Variants in UBXN6 observed in about 807,000 individuals in gnomAD.
UBXN6 encodes UBX domain protein 6.
Under a neutral mutation model 51.4 loss-of-function variants are expected in UBXN6, and 44 were observed. The observed-to-expected ratio is 0.86, with a 90% CI of 0.67 to 1.10. The LOEUF (loss-of-function observed/expected upper bound fraction) is 1.10, where lower values mean the gene tolerates loss of function less well. Ranked by LOEUF, UBXN6 falls within the 50% of genes least tolerant of loss-of-function variation. The pLI is 0.00. For synonymous variants in UBXN6, 316 were observed against 263.2 expected (o/e 1.20, Z -1.94); for missense variants, 672 against 596.1 (o/e 1.13, Z -1.32).
chr19:4,453,459 A>G lies in UBXN6; in HGVS notation c.311T>C (p.Val104Ala). Residue 104 changes from valine (V) to alanine (A), a missense_variant and splice_region_variant, in exon 3 of 11, where the codon GTG becomes GCG. Val to Ala is a moderately conservative substitution (Grantham distance 64). Coordinates refer to ENST00000301281, the MANE Select transcript of UBXN6 (RefSeq NM_025241.3). ...SGSPEAPGTN[V>A]VSEPREEGSA... Reference sequence around the variant, plus strand: ...AGTGCCACCAGTGGCTGTTCTTACCACGTTGGTCCCTGGGGCCTCGGGGCT... The same window carrying G: ...AGTGCCACCAGTGGCTGTTCTTACCGCGTTGGTCCCTGGGGCCTCGGGGCT... The G allele has an allele frequency of 1.9e-6, 3 of 1,613,158 alleles. No individual in the cohort carries two copies. The highest frequency in any genetic ancestry group is 2.5e-6 in the Non-Finnish European group (3 of 1,179,728).
chr19:4,447,562 G>C lies in UBXN6; in HGVS notation c.603C>G (p.Asn201Lys), dbSNP rs1175429394. 1 of 1,613,632 alleles carries C rather than the reference G, an allele frequency of 6.2e-7. No homozygotes were observed. Among genetic ancestry groups the C allele is most frequent in the Non-Finnish European group, 8.5e-7 (1 of 1,179,882 alleles). The change falls in exon 6 of 11, where the codon AAC (asparagine) becomes AAG (lysine). Residue 201 changes from asparagine to lysine, a missense_variant. Asn to Lys is a moderately conservative substitution (Grantham distance 94). Coordinates refer to ENST00000301281, the MANE Select transcript of UBXN6 (RefSeq NM_025241.3). ...AAGGCACGCCCACCTGAAACACCTTGTTCTGCAGCTTGATCTTCCGGTACT... is the reference window on the plus strand; with the variant it reads ...AAGGCACGCCCACCTGAAACACCTTCTTCTGCAGCTTGATCTTCCGGTACT... ...EEKYRKIKLQ[N>K]KVFQERINCL...
At chr19:4,453,621 C>T (rs546921503) in intron 2 of UBXN6, 99 bp from the exon 3 acceptor site, 45 of 1,395,104 alleles carry the variant, frequency 3.2e-5, no homozygotes, top group East Asian at 4.9e-5. Context: ...CTGGGGGCCA[C>T]GCACACCGCC....
At position 4,448,335 on chromosome 19, in the gene UBXN6, AC is replaced by A; in HGVS notation, c.521del (p.Gly174ValfsTer69). 1 of 1,608,398 alleles carries A rather than the reference AC, an allele frequency of 6.2e-7. No individual in the cohort carries two copies. Among genetic ancestry groups the A allele is most frequent in the African/African-American group, 1.3e-5 (1 of 74,892 alleles). ...ACGCTCACTTGGCAATGGTGTCCAC[AC>A]CCAGCTTCACCCGGTCCTGGTCTTT... is the stretch of plus-strand genomic sequence containing the variant. ...FNKDQDRVKLGVDTIAKYLDN... is the reference protein window; with the variant it reads ...FNKDQDRVKLXVDTIAKYLDN... On this transcript the variant is annotated frameshift_variant, in exon 5 of 11. Coordinates refer to ENST00000301281, the MANE Select transcript of UBXN6 (RefSeq NM_025241.3). LOFTEE classifies it high-confidence loss of function.
At chr19:4,453,592 C>A in intron 2 of UBXN6, 70 bp from the exon 3 acceptor site, 1 of 1,569,602 alleles carries the variant, frequency 6.4e-7, no homozygotes, top group East Asian at 2.3e-5. Flanking sequence ...GCCCAAGCCC[C>A]CTCATTCCCG....
Position 4,446,875 on chromosome 19 carries a change from T to C in UBXN6, c.661A>G (p.Ile221Val). 1 of 1,614,036 alleles carries C rather than the reference T, an allele frequency of 6.2e-7. No homozygotes were observed. Among genetic ancestry groups the C allele is most frequent in the Non-Finnish European group, 8.5e-7 (1 of 1,180,014 alleles). ...GGAAGCAACACCTTCTGGAACCCAATGGCCTCAAAAAACTCGTGGGTCCCT... is the reference window on the plus strand; with the variant it reads ...GGAAGCAACACCTTCTGGAACCCAACGGCCTCAAAAAACTCGTGGGTCCCT... ...LEGTHEFFEA[I>V]GFQKVLLPAQ... Residue 221 changes from isoleucine to valine, a missense_variant, in exon 7 of 11, where the codon ATT (isoleucine) becomes GTT (valine). Physicochemically the swap from Ile to Val is conservative, Grantham distance 29. Coordinates refer to ENST00000301281, the MANE Select transcript of UBXN6 (RefSeq NM_025241.3).
chr19:4,456,259 G>A (rs926893417), intron 1 of UBXN6, among the ~76,000 whole-genome samples: 2 of 101,912 alleles, frequency 2.0e-5, no homozygotes, highest in South Asian at 3.0e-4. Flanking sequence ...GGGCTCCCCC[G>A]ATTTGCCCCC....
At chr19:4,446,806 T>C (rs374415048) in intron 7 of UBXN6, 30 bp downstream of exon 7, 23 of 1,613,700 alleles carry the variant, frequency 1.4e-5, no homozygotes, top group African/African-American at 2.7e-5. Flanking sequence ...TCGTCCCCAT[T>C]CCCTACTCAG....
rs1192256727 is a variant in UBXN6, at chr19:4,453,342, G to A, written c.312+116C>T. 3 of 1,208,484 alleles carry A rather than the reference G, an allele frequency of 2.5e-6. No individual in the cohort carries two copies. In the African/African-American group the frequency reaches 4.6e-5, roughly 18 times the overall value. The allele number at this position is 1,208,484 out of a possible 1,614,324, so 74.9% of individuals were successfully genotyped here. A position where few individuals can be genotyped will look rare whatever the true frequency, so the allele number is the denominator to read the frequency against. On this transcript the variant is annotated intron_variant, in intron 3 of 10. Coordinates refer to ENST00000301281, the MANE Select transcript of UBXN6 (RefSeq NM_025241.3). The stretch of plus-strand genomic sequence containing the variant: ...CCACAACCTGTGTCCACCTTGCAAG[G>A]CAAGGTTTTCCAACAGCCCTTGAGC...
Position 4,448,621 on chromosome 19 carries a change from C to G in UBXN6, c.442-206G>C, listed in dbSNP as rs182781263. 2,254 of 590,538 alleles carry G rather than the reference C, an allele frequency of 3.8e-3. 8 individuals carry two copies. The highest frequency in any genetic ancestry group is 5.8e-3 in the Non-Finnish European group (1,906 of 331,426). The allele number at this position is 590,538 out of a possible 1,614,324, so 36.6% of individuals were successfully genotyped here. A position where few individuals can be genotyped will look rare whatever the true frequency, so the allele number is the denominator to read the frequency against. Reference sequence around the variant, plus strand: ...CAGGGCAGAGGCGACGCAGCCAAGACCCAGCAGAACTCAAGTCTCCCCTTC... The same window carrying G: ...CAGGGCAGAGGCGACGCAGCCAAGAGCCAGCAGAACTCAAGTCTCCCCTTC... On this transcript the variant is annotated intron_variant, in intron 4 of 10. Coordinates refer to ENST00000301281, the MANE Select transcript of UBXN6 (RefSeq NM_025241.3).
Position 4,445,339 on chromosome 19 carries a change from G to A in UBXN6, c.*159C>T, listed in dbSNP as rs532343400. 27 of 1,275,136 alleles carry A rather than the reference G, an allele frequency of 2.1e-5. No individual in the cohort carries two copies. The South Asian group carries it at 2.1e-4, about 10-fold the overall frequency. 79.0% of individuals were successfully genotyped at this position (1,275,136 alleles called of 1,614,324 possible). A position where few individuals can be genotyped will look rare whatever the true frequency, so the allele number is the denominator to read the frequency against. ...CCCCAAGGGATGGGGGCTCTGCCACGGGGCCCAATTCCACAGCTCCACGGC... is the reference window on the plus strand; with the variant it reads ...CCCCAAGGGATGGGGGCTCTGCCACAGGGCCCAATTCCACAGCTCCACGGC... On this transcript the variant is annotated 3_prime_UTR_variant, in exon 11 of 11. Transcript: ENST00000301281.
At chr19:4,455,358 G>C in intron 1 of UBXN6, 4 of 933,666 alleles carry the variant, frequency 4.3e-6, no homozygotes, top group Non-Finnish European at 5.1e-6. Flanking sequence ...TGCCTATCTA[G>C]TCCTCCCACA....
chr19:4,455,943 T>C (rs1462770895), intron 1 of UBXN6, among the ~76,000 whole-genome samples: 1 of 152,026 alleles, frequency 6.6e-6, no homozygotes, highest in East Asian at 1.9e-4. Context: ...CCAAGGTCTG[T>C]TGGTTTATTT....
intron 4 of UBXN6, among the ~76,000 whole-genome samples, chr19:4,451,362 A>G (rs1245576620): frequency 6.6e-6 from 1 of 151,894 alleles, no homozygotes; most frequent in Non-Finnish European, 1.5e-5. Context: ...CCAGCCACTT[A>G]CTATTTTCTG....
chr19:4,446,555 G>A lies in UBXN6; in HGVS notation c.865C>T (p.Pro289Ser). The A allele has an allele frequency of 6.2e-7, 1 of 1,612,408 alleles. No homozygotes were observed. The highest frequency in any genetic ancestry group is 8.5e-7 in the Non-Finnish European group (1 of 1,179,898). Residue 289 changes from proline (P) to serine (S), a missense_variant, in exon 8 of 11, where the codon CCT (proline) becomes TCT (serine). Transcript: ENST00000301281. ...PSPLASQFEL[P>S]GDFFNLTAEE... ...GCTGTGAGGTTGAAGAAGTCCCCAG[G>A]CAGTTCGAACTGCGAGGCCAGGGGC... is the stretch of plus-strand genomic sequence containing the variant.
chr19:4,452,913 A>T (rs1281139105), intron 3 of UBXN6, among the ~76,000 whole-genome samples: 1 of 152,226 alleles, frequency 6.6e-6, no homozygotes, highest in East Asian at 1.9e-4. Context: ...CCTGCGTGCT[A>T]AAATTCACTG....
intron 1 of UBXN6, among the ~76,000 whole-genome samples, chr19:4,456,679 T>G (rs1447187587): frequency 6.6e-6 from 1 of 152,114 alleles, no homozygotes; most frequent in Non-Finnish European, 1.5e-5. Context: ...AAGTCCTCCC[T>G]AGACAATCCG....
rs146350492 is a variant in UBXN6 at position 4,445,586 on chromosome 19, G to A, written c.1238C>T (p.Ala413Val). Residue 413 changes from alanine (A) to valine (V), a missense_variant, in exon 11 of 11, where the codon GCT becomes GTT. Transcript: ENST00000301281. The part of the protein sequence containing the change: ...SALLTFSWDM[A>V]VLEDIKAAGA... ...CGCGGCCTTGATGTCCTCCAGCACA[G>A]CCATGTCCCACGAGAAGGTCAGGAG... is the stretch of plus-strand genomic sequence containing the variant. The A allele has an allele frequency of 1.9e-6, 3 of 1,613,720 alleles. No individual in the cohort carries two copies. The South Asian group carries it at 3.3e-5, about 18-fold the overall frequency.
Position 4,446,918 on chromosome 19 carries a change from C to T in UBXN6, c.618G>A (p.Glu206=). The T allele has an allele frequency of 6.2e-7, 1 of 1,613,806 alleles. No individual in the cohort carries two copies. Among genetic ancestry groups the T allele is most frequent in the Non-Finnish European group, 8.5e-7 (1 of 1,179,940 alleles). Residue 206 remains glutamate, a splice_region_variant and synonymous_variant, in exon 7 of 11, where the codon GAG becomes GAA. Coordinates refer to ENST00000301281, the MANE Select transcript of UBXN6 (RefSeq NM_025241.3). ...GGGTCCCTTCCAGGCAGTTAATGCG[C>T]TCCTGGGGGTGGAGATGGGCGTCAC... ...KIKLQNKVFQ[E]RINCLEGTHE... is the part of the protein sequence containing the mutation.
chr19:4,445,861 G>T, intron 10 of UBXN6, 188 bp downstream of exon 10: 1 of 1,075,514 alleles, frequency 9.3e-7, no homozygotes, highest in Non-Finnish European at 1.3e-6. Context: ...AAACTGAGGC[G>T]TGGAGTAGTT....
Sources: allele counts gnomAD v4.1 joint callset (sites outside exome capture counted in the v4.1 genomes callset), GRCh38; gene constraint gnomAD v4.1.1; transcripts MANE v1.5; gene names NCBI Gene and HGNC (gene_info 2026-07-23, HGNC 2026-07-21).